The following ANK1 variants were observed in gnomAD, a reference collection of about 807,000 sequenced individuals.
The protein encoded by ANK1 is ankyrin 1.
ANK1 carries 51 observed loss-of-function variants against 210.4 expected under a neutral mutation model. The ratio of observed to expected loss-of-function variants is 0.24; its 90% CI spans 0.19 to 0.31. The LOEUF is 0.31. ANK1 is among the 10% of genes least tolerant of loss of function. ANK1 has a pLI of 1.00. For synonymous variants in ANK1, 967 were observed against 1,025.9 expected, an observed-to-expected ratio of 0.94 and a Z score of 1.10; for missense variants, 2,051 against 2,504.4, an observed-to-expected ratio of 0.82 and a Z score of 3.86.
At chr8:41,755,716 T>C (rs895986834) in intron 2 of ANK1, among the ~76,000 whole-genome samples, 1 of 152,222 alleles carries the variant, frequency 6.6e-6, no homozygotes, top group Non-Finnish European at 1.5e-5. Flanking sequence ...ACTCTCACCC[T>C]GCCTCCAGGC....
chr8:41,810,831 G>A (rs2150783250), intron 1 of ANK1, among the ~76,000 whole-genome samples: 1 of 152,332 alleles, frequency 6.6e-6, no homozygotes, highest in East Asian at 1.9e-4. Context: ...CGGGAATTCG[G>A]AGGCCAGGGT....
chr8:41,699,279 C>T (rs1821992275), intron 23 of ANK1, among the ~76,000 whole-genome samples, 173 bp downstream of exon 23: 1 of 152,138 alleles, frequency 6.6e-6, no homozygotes, highest in Non-Finnish European at 1.5e-5. Flanking sequence ...CCTCCGCCTG[C>T]CCTAGTGGCT....
chr8:41,692,480 T>G (rs1819544100), intron 31 of ANK1, among the ~76,000 whole-genome samples, 168 bp downstream of exon 31: 1 of 152,220 alleles, frequency 6.6e-6, no homozygotes, highest in Non-Finnish European at 1.5e-5. Flanking sequence ...TCTCTCTCCT[T>G]TCCTGAAGCT....
intron 1 of ANK1, among the ~76,000 whole-genome samples, chr8:41,827,708 GCACACCCACT>G (rs1185141196): frequency 7.0e-6 from 1 of 141,872 alleles, no homozygotes; most frequent in African/African-American, 2.7e-5. Context: ...ACACTCACAC[GCACACCCACT>G]CACACTCACA....
rs1224730621 is a variant in ANK1 at position 41,667,417 on chromosome 8, TGTG to T, written c.5394+847_5394+849del. ...TTCATGTACATACTAAACACACGCATGTGGAGAACAGTGGTGCATGTTTTATAA... is the reference window on the plus strand; with the variant it reads ...TTCATGTACATACTAAACACACGCATGAGAACAGTGGTGCATGTTTTATAA... On this transcript the variant is annotated intron_variant, in intron 39 of 42. Coordinates refer to ENST00000289734, the MANE Select transcript of ANK1 (RefSeq NM_000037.4). Among the ~76,000 whole-genome samples the T allele has an allele frequency of 1.1e-4, 16 of 152,196 alleles. No individual in the cohort carries two copies. The East Asian group carries it at 2.9e-3, about 28-fold the overall frequency.
At chr8:41,845,489 C>T (rs1157517381) in intron 1 of ANK1, among the ~76,000 whole-genome samples, 5 of 151,904 alleles carry the variant, frequency 3.3e-5, no homozygotes, top group East Asian at 1.9e-4. Context: ...AGTGGTCTCG[C>T]GGGGCACAGT....
chr8:41,866,724 T>G (rs750349341), intron 1 of ANK1, among the ~76,000 whole-genome samples: 4 of 152,362 alleles, frequency 2.6e-5, no homozygotes, highest in African/African-American at 9.6e-5. Context: ...CTTTTGTGAC[T>G]GGCTTATTTC....
chr8:41,661,749 C>T (rs1047398730), intron 41 of ANK1, 127 bp downstream of exon 41: 1 of 1,609,384 alleles, frequency 6.2e-7, no homozygotes, highest in South Asian at 1.1e-5. Context: ...CCCGGCAGAG[C>T]AAGGCAGCAG....
At chr8:41,808,909 C>G (rs1267289238) in intron 1 of ANK1, among the ~76,000 whole-genome samples, 1 of 152,160 alleles carries the variant, frequency 6.6e-6, no homozygotes, top group Non-Finnish European at 1.5e-5. Flanking sequence ...TATAGATTTT[C>G]CAACCAGAAA....
intron 37 of ANK1, among the ~76,000 whole-genome samples, chr8:41,675,183 T>C (rs1393117900): frequency 1.3e-5 from 2 of 152,220 alleles, no homozygotes; most frequent in African/African-American, 2.4e-5. Flanking sequence ...CTCTGCCTTC[T>C]AGGTTCAAGT....
intron 29 of ANK1, 72 bp from the exon 30 acceptor site, chr8:41,693,273 G>C: frequency 7.3e-7 from 1 of 1,371,420 alleles, no homozygotes; most frequent in Admixed American, 1.7e-5. Flanking sequence ...AAAATGCTAA[G>C]GCCGTGGTGT....
At position 41,791,423 on chromosome 8, in the gene ANK1, C is replaced by T. The variant is rs547964502; in HGVS notation, c.27+6089G>A. On this transcript the variant is annotated intron_variant, in intron 1 of 42. Transcript: ENST00000289734. ...ACCTCAGGTGATCCATTGGCAGGCACTAACTTTCTCTCTCTCTTTCTTTCT... is the reference window on the plus strand; with the variant it reads ...ACCTCAGGTGATCCATTGGCAGGCATTAACTTTCTCTCTCTCTTTCTTTCT... Among the ~76,000 whole-genome samples the T allele has an allele frequency of 4.0e-5, 6 of 151,010 alleles. 1 individual carries two copies. The highest frequency in any genetic ancestry group is 1.2e-4 in the African/African-American group (5 of 41,144).
chr8:41,831,110 G>A (rs1241502953), intron 1 of ANK1, among the ~76,000 whole-genome samples: 3 of 152,196 alleles, frequency 2.0e-5, no homozygotes, highest in Admixed American at 6.5e-5. Flanking sequence ...GACAGGAGAC[G>A]AGGCTCCGCC....
intron 38 of ANK1, among the ~76,000 whole-genome samples, chr8:41,669,110 C>G (rs1811447586): frequency 6.7e-6 from 1 of 150,264 alleles, no homozygotes; most frequent in South Asian, 2.1e-4. Context: ...GACTTCTGAA[C>G]ATAGGAGCAC....
intron 2 of ANK1, among the ~76,000 whole-genome samples, chr8:41,748,387 GAC>G (rs988027449): frequency 6.6e-6 from 1 of 152,128 alleles, no homozygotes; most frequent in African/African-American, 2.4e-5. Context: ...CTAAGAAAAA[GAC>G]AATGACAGAG....
intron 1 of ANK1, among the ~76,000 whole-genome samples, chr8:41,853,922 G>C (rs909680824): frequency 6.6e-6 from 1 of 152,098 alleles, no homozygotes; most frequent in Non-Finnish European, 1.5e-5. Context: ...CACCGCACTT[G>C]ACCCCCTGGG....
At position 41,664,160 on chromosome 8, in the gene ANK1, A is replaced by G. The variant is rs886728658; in HGVS notation, c.5395-418T>C. On this transcript the variant is annotated intron_variant, in intron 39 of 42. Coordinates refer to ENST00000289734, the MANE Select transcript of ANK1 (RefSeq NM_000037.4). ...GTGACTTGCTTGAAACCCCAGAGCC[A>G]GTTGGTGACAGAAACAGGACGATCC... 1.3e-5 allele frequency: 6 copies of G among 458,106 alleles called. No individual in the cohort carries two copies. In the Admixed American group the frequency reaches 1.4e-4, roughly 11 times the overall value. The allele number at this position is 458,106 out of a possible 1,614,324, so 28.4% of individuals were successfully genotyped here. A position where few individuals can be genotyped will look rare whatever the true frequency, so the allele number is the denominator to read the frequency against.
intron 1 of ANK1, among the ~76,000 whole-genome samples, chr8:41,783,454 C>T (rs765797301): frequency 1.3e-5 from 2 of 152,086 alleles, no homozygotes; most frequent in Non-Finnish European, 2.9e-5. Context: ...GGTGACAATT[C>T]GGGACTTTTT....
Position 41,694,120 on chromosome 8 carries a change from C to T in ANK1, c.3328-18G>A, listed in dbSNP as rs1405085653. The T allele has an allele frequency of 6.2e-7, 1 of 1,610,030 alleles. No homozygotes were observed. The highest frequency in any genetic ancestry group is 8.5e-7 in the Non-Finnish European group (1 of 1,177,956). ...GGCTGGGCCTGTGAAATGACAGAGG[C>T]AGGACACTCAGGCCCAAGCAGGAGA... On this transcript the variant is annotated intron_variant, in intron 28 of 42. Transcript: ENST00000289734. This position sits in a 1 kb window ranked among gnomAD's most constrained non-coding sequence, Gnocchi z 5.7.
Sources: gnomAD v4.1 joint callset for allele counts (sites outside exome capture counted in the v4.1 genomes callset) on GRCh38, gnomAD v4.1.1 for gene constraint, Gnocchi (gnomAD v3.1) non-coding constraint, MANE v1.5 for transcripts, NCBI Gene and HGNC (gene_info 2026-07-23, HGNC 2026-07-21) for gene names.